The following HPSE2 variants were observed in gnomAD, a reference collection of about 807,000 sequenced individuals.
The protein encoded by HPSE2 is heparanase 2 (inactive), also known as inactive heparanase-2.
In HPSE2, 38 loss-of-function variants were observed where a neutral mutation model predicts 60.5. That is an observed-to-expected ratio of 0.63 (90% confidence interval 0.48 to 0.82). The LOEUF (loss-of-function observed/expected upper bound fraction) is 0.82. Among genes scored for constraint, HPSE2 ranks in the 40% least tolerant of loss-of-function variants. The pLI, the probability that HPSE2 is intolerant of heterozygous loss-of-function variation, is 0.00. For missense variants in HPSE2, 713 were observed against 740.4 expected (o/e 0.96, Z 0.43); for synonymous variants, 295 against 293.2 (o/e 1.01, Z -0.06).
chr10:98,880,969 A>G (rs1397484169), intron 3 of HPSE2, among the ~76,000 whole-genome samples: 2 of 152,080 alleles, frequency 1.3e-5, no homozygotes, highest in African/African-American at 4.8e-5. Context: ...GAAGTCTGCC[A>G]TGCCAGCAAA....
chr10:98,889,501 C>A (rs1232293013), intron 3 of HPSE2, among the ~76,000 whole-genome samples: 1 of 152,080 alleles, frequency 6.6e-6, no homozygotes, highest in Non-Finnish European at 1.5e-5. Context: ...AGCCACTGCA[C>A]CCAGCCGGTT....
At chr10:98,903,651 T>G (rs1251965885) in intron 3 of HPSE2, among the ~76,000 whole-genome samples, 1 of 152,168 alleles carries the variant, frequency 6.6e-6, no homozygotes, top group Non-Finnish European at 1.5e-5. Context: ...ACTTTTGTTC[T>G]TGGACTAAAA....
At chr10:98,916,018 A>G (rs1954112326) in intron 3 of HPSE2, among the ~76,000 whole-genome samples, 1 of 152,174 alleles carries the variant, frequency 6.6e-6, no homozygotes, top group African/African-American at 2.4e-5. Context: ...GCCCTGTTCT[A>G]GCTTGCTAAC....
chr10:99,282,280 C>T, the HPSE2 span, among the ~76,000 whole-genome samples: 1 of 151,894 alleles, frequency 6.6e-6, no homozygotes, highest in Non-Finnish European at 1.5e-5. Context: ...AAGAAAGTTA[C>T]AAAAGACAAA....
chr10:98,571,944 T>C (rs10883136), intron 9 of HPSE2, among the ~76,000 whole-genome samples: 5 of 9,634 alleles, frequency 5.2e-4, no homozygotes, highest in Non-Finnish European at 6.0e-4. Context: ...CCTTTTCTTT[T>C]TTTTTTTTTT....
intron 2 of HPSE2, among the ~76,000 whole-genome samples, chr10:99,184,835 G>T (rs1264341964): frequency 0.035 from 1,801 of 51,200 alleles, 183 homozygotes; most frequent in Non-Finnish European, 0.089. Context: ...GAGAGAGAGA[G>T]AGAGAGAGAG....
At chr10:99,147,631 T>C (rs1239637784) in intron 2 of HPSE2, among the ~76,000 whole-genome samples, 1 of 152,166 alleles carries the variant, frequency 6.6e-6, no homozygotes, top group Non-Finnish European at 1.5e-5. Flanking sequence ...ACTATGAACA[T>C]GGCCAAACGT....
intron 2 of HPSE2, among the ~76,000 whole-genome samples, chr10:99,209,118 GAACA>G (rs1048496131): frequency 6.6e-6 from 1 of 152,066 alleles, no homozygotes; most frequent in African/African-American, 2.4e-5. Flanking sequence ...AACTGGACAT[GAACA>G]ATACTACAAA....
intron 3 of HPSE2, among the ~76,000 whole-genome samples, chr10:98,767,659 ATTAT>A (rs949072342): frequency 2.1e-5 from 3 of 145,960 alleles, no homozygotes; most frequent in Non-Finnish European, 4.5e-5. Flanking sequence ...TTTTAAATAT[ATTAT>A]TTATGTATCT....
intron 3 of HPSE2, among the ~76,000 whole-genome samples, chr10:98,831,822 G>A (rs559053084): frequency 2.6e-5 from 4 of 152,132 alleles, no homozygotes; most frequent in Admixed American, 2.0e-4. Flanking sequence ...GAGAAGTACT[G>A]CTCCTCAGAG....
chr10:99,109,731 T>C (rs1385196348), intron 3 of HPSE2, among the ~76,000 whole-genome samples: 1 of 152,138 alleles, frequency 6.6e-6, no homozygotes, highest in Non-Finnish European at 1.5e-5. Flanking sequence ...AGGTTAAAGA[T>C]GACATGAAGA....
At chr10:99,252,412 CA>C in the HPSE2 span, among the ~76,000 whole-genome samples, 1 of 152,036 alleles carries the variant, frequency 6.6e-6, no homozygotes, top group Non-Finnish European at 1.5e-5. Context: ...TGATTCTATT[CA>C]TAGAAAACCC....
chr10:99,132,146 G>GAAGAAAGAAAGAAAGAAAGAAAGAAAGA (rs1199987336), intron 3 of HPSE2, among the ~76,000 whole-genome samples: 2 of 28,548 alleles, frequency 7.0e-5, no homozygotes, highest in Non-Finnish European at 1.8e-4. Flanking sequence ...AGAAAGAAAG[G>GAAGAAAGAAAGAAAGAAAGAAAGAAAGA]AAGAAAGAAA....
chr10:99,282,258 C>CA, the HPSE2 span, among the ~76,000 whole-genome samples: 54 of 150,036 alleles, frequency 3.6e-4, no homozygotes, highest in East Asian at 7.4e-3. Flanking sequence ...GACTCCGTCT[C>CA]AAAAAAAAGG....
the HPSE2 span, among the ~76,000 whole-genome samples, chr10:99,310,987 C>CAT: frequency 6.6e-6 from 1 of 152,002 alleles, no homozygotes; most frequent in African/African-American, 2.4e-5. Context: ...TCTCCTATAA[C>CAT]ATAATTTTTC....
intron 3 of HPSE2, among the ~76,000 whole-genome samples, chr10:99,115,739 GA>G (rs1844663937): frequency 6.6e-6 from 1 of 152,056 alleles, no homozygotes; most frequent in Non-Finnish European, 1.5e-5. Context: ...TGAATCTAAT[GA>G]AAAATTGAGC....
intron 3 of HPSE2, among the ~76,000 whole-genome samples, chr10:98,918,271 C>T (rs903089340): frequency 2.0e-5 from 3 of 152,058 alleles, no homozygotes; most frequent in South Asian, 2.1e-4. Flanking sequence ...GTCAGTGTGG[C>T]GATTCCTCAG....
chr10:99,148,441 T>A (rs1057281690), intron 2 of HPSE2, among the ~76,000 whole-genome samples: 1 of 152,176 alleles, frequency 6.6e-6, no homozygotes, highest in Non-Finnish European at 1.5e-5. Flanking sequence ...ATCCTGGTAG[T>A]CTAGAGTAAG....
chr10:99,045,546 AG>A (rs1313637449), intron 3 of HPSE2, among the ~76,000 whole-genome samples: 1 of 152,174 alleles, frequency 6.6e-6, no homozygotes, highest in Non-Finnish European at 1.5e-5. Context: ...AATGAAGACA[AG>A]AATTCATTCT....
Sources: allele counts gnomAD v4.1 joint callset (sites outside exome capture counted in the v4.1 genomes callset), GRCh38; gene constraint gnomAD v4.1.1; transcripts MANE v1.5; gene names NCBI Gene and HGNC (gene_info 2026-07-23, HGNC 2026-07-21).